Variants in ALG13 observed in about 807,000 individuals in gnomAD.
ALG13 encodes the protein ALG13 UDP-N-acetylglucosaminyltransferase subunit, also known as UDP-N-acetylglucosamine transferase subunit ALG13.
ALG13 carries 11 observed loss-of-function variants against 87.8 expected under a neutral mutation model. That is an observed-to-expected ratio of 0.13 (90% CI 0.08 to 0.21). The LOEUF (loss-of-function observed/expected upper bound fraction) is 0.21, where lower values mean the gene tolerates loss of function less well. Among genes scored for constraint, ALG13 ranks in the 10% least tolerant of loss-of-function variants. The pLI is 1.00. For missense variants in ALG13, 756 were observed against 866.1 expected, an observed-to-expected ratio of 0.87 and a Z score of 1.60; for synonymous variants, 320 against 306.3, an observed-to-expected ratio of 1.04 and a Z score of -0.47.
Position 111,751,621 on chromosome X carries a change from C to A in ALG13, c.2933-1169C>A, listed in dbSNP as rs758917014. Among the ~76,000 whole-genome samples, 6 of 111,476 alleles carry A rather than the reference C, an allele frequency of 5.4e-5. No homozygotes were observed. The East Asian group carries it at 1.4e-3, about 26-fold the overall frequency. ...ACATGTATCAAGTAGAATCCCATGC[C>A]ACTCATGAATTTATTTCCTACTATT... On this transcript the variant is annotated intron_variant, in intron 24 of 26. Transcript: ENST00000394780.
At chrX:111,754,481 T>C (rs938680418) in intron 25 of ALG13, among the ~76,000 whole-genome samples, 1 of 111,931 alleles carries the variant, frequency 8.9e-6, no homozygotes, top group African/African-American at 3.3e-5. Flanking sequence ...AGACAGGAAG[T>C]CACTTTGTCT....
chrX:111,727,802 G>A, intron 18 of ALG13, 32 bp downstream of exon 18: 1 of 1,137,898 alleles, frequency 8.8e-7, no homozygotes, highest in Non-Finnish European at 1.2e-6. Context: ...TCAAAAAGCT[G>A]TTTACTTTTT....
At chrX:111,743,013 A>G (rs1943898544) in intron 23 of ALG13, among the ~76,000 whole-genome samples, 1 of 111,966 alleles carries the variant, frequency 8.9e-6, no homozygotes, top group Non-Finnish European at 1.9e-5. Flanking sequence ...GCTTTTACTT[A>G]GAGGGTTTAT....
chrX:111,739,554 T>C (rs1943570019), intron 23 of ALG13, among the ~76,000 whole-genome samples: 1 of 112,486 alleles, frequency 8.9e-6, no homozygotes, highest in African/African-American at 3.2e-5. Context: ...ATAAGAGAAA[T>C]ACAATGATAA....
chrX:111,744,245 A>ACTTT (rs1195255879), intron 23 of ALG13, among the ~76,000 whole-genome samples: 1 of 111,798 alleles, frequency 8.9e-6, no homozygotes, highest in Non-Finnish European at 1.9e-5. Context: ...TAGTCTGTGC[A>ACTTT]CTTTAATCCA....
intron 25 of ALG13, 93 bp downstream of exon 25, chrX:111,752,923 CACTA>C (rs962415163): frequency 6.6e-6 from 4 of 605,866 alleles, no homozygotes; most frequent in Non-Finnish European, 1.0e-5. Context: ...AAGCCAAAAT[CACTA>C]AGGGGACTAA....
chrX:111,742,264 T>C (rs1432921750), intron 23 of ALG13, among the ~76,000 whole-genome samples: 1 of 111,050 alleles, frequency 9.0e-6, no homozygotes, highest in East Asian at 2.8e-4. Flanking sequence ...CCTTCCATCC[T>C]TAAGTGACTG....
chrX:111,727,977 T>C (rs965073229), intron 18 of ALG13, among the ~76,000 whole-genome samples: 9 of 111,669 alleles, frequency 8.1e-5, no homozygotes, highest in African/African-American at 2.6e-4. Flanking sequence ...GCCTATAGAG[T>C]ATGGGTTAAT....
At chrX:111,757,529 A>C (rs1490027403) in intron 25 of ALG13, 59 bp from the exon 26 acceptor site, 1 of 869,899 alleles carries the variant, frequency 1.1e-6, no homozygotes, top group African/African-American at 2.1e-5. Context: ...GAACTGTATT[A>C]CATTAAGAAT....
chrX:111,713,244 C>T lies in ALG13; in HGVS notation c.952C>T (p.Arg318Cys), dbSNP rs775191661. The stretch of plus-strand genomic sequence containing the variant: ...ATATAGTCGGGATTTCATTCTTTAT[C>T]GCTTTCCTGGAAAACCTCCAACTTA... The part of the protein sequence containing the change: ...LIYNRDFILY[R>C]FPGKPPTYVT... The change falls in exon 8 of 27, where the codon CGC becomes TGC. Residue 318 changes from arginine to cysteine, a missense_variant. By Grantham distance (180) the Arg-to-Cys change is radical. Coordinates refer to ENST00000394780, the MANE Select transcript of ALG13 (RefSeq NM_001099922.3). 10 of 1,194,754 alleles carry T rather than the reference C, an allele frequency of 8.4e-6. No individual in the cohort carries two copies. Among genetic ancestry groups the T allele is most frequent in the Admixed American group, 2.2e-5 (1 of 44,936 alleles).
chrX:111,717,480 TG>T (rs1199031566), intron 8 of ALG13, among the ~76,000 whole-genome samples: 1 of 110,617 alleles, frequency 9.0e-6, no homozygotes, highest in Non-Finnish European at 1.9e-5. Flanking sequence ...GGAAGTTAGC[TG>T]GGTCTTTTGG....
Position 111,730,258 on chromosome X carries a change from T to C in ALG13, c.2369-137T>C, listed in dbSNP as rs1942529392. The C allele has an allele frequency of 1.8e-5, 9 of 505,534 alleles. No individual in the cohort carries two copies. In the South Asian group the frequency reaches 2.5e-4, roughly 14 times the overall value. The allele number at this position is 505,534 out of a possible 1,213,427, so 41.7% of individuals were successfully genotyped here. ...TGACTAGTGTGAAAGCTCATATCACTTTTCAGGATGTATGCATTTTAGTTT... is the reference window on the plus strand; with the variant it reads ...TGACTAGTGTGAAAGCTCATATCACCTTTCAGGATGTATGCATTTTAGTTT... On this transcript the variant is annotated intron_variant, in intron 19 of 26. Transcript: ENST00000394780.
chrX:111,701,297 T>C (rs1367436439), intron 3 of ALG13, among the ~76,000 whole-genome samples: 1 of 112,112 alleles, frequency 8.9e-6, no homozygotes, highest in Non-Finnish European at 1.9e-5. Context: ...ACTGGTTCTT[T>C]AAATGTTTGG....
chrX:111,686,476 A>T (rs935097619), intron 3 of ALG13, among the ~76,000 whole-genome samples: 2 of 111,613 alleles, frequency 1.8e-5, no homozygotes, highest in Non-Finnish European at 3.8e-5. Flanking sequence ...AGTGAACAAA[A>T]CAAAGACTCC....
At chrX:111,757,107 A>G (rs1001078986) in intron 25 of ALG13, among the ~76,000 whole-genome samples, 5 of 112,028 alleles carry the variant, frequency 4.5e-5, no homozygotes, top group African/African-American at 1.3e-4. Context: ...ATCACTGTAT[A>G]CTTTATATAT....
intron 2 of ALG13, among the ~76,000 whole-genome samples, chrX:111,683,141 ATTAAC>A (rs1933931151): frequency 9.1e-6 from 1 of 109,922 alleles, no homozygotes; most frequent in Non-Finnish European, 1.9e-5. Flanking sequence ...CTTTGTGTAT[ATTAAC>A]TTTACTTTTT....
chrX:111,747,467 C>T (rs1284503368), intron 24 of ALG13, among the ~76,000 whole-genome samples: 2 of 111,998 alleles, frequency 1.8e-5, no homozygotes, highest in Admixed American at 9.5e-5. Context: ...TTGCCCTAAA[C>T]ATCCATATGC....
At position 111,757,583 on chromosome X, in the gene ALG13, T is replaced by C. The variant is rs776113182; in HGVS notation, c.2974-5T>C. The C allele has an allele frequency of 5.5e-5, 66 of 1,189,340 alleles. No individual in the cohort carries two copies. The highest frequency in any genetic ancestry group is 7.3e-5 in the Non-Finnish European group (65 of 885,902). On this transcript the variant is annotated splice_region_variant and splice_polypyrimidine_tract_variant and intron_variant, in intron 25 of 26. Transcript: ENST00000394780. ...TTATTTTTTTGTTGCCCTTTCTTGC[T>C]CAAGTGCTATTACCACAGCTACTGG...
chrX:111,681,260 C>T lies in ALG13; in HGVS notation c.42C>T (p.Asp14=). 6 of 1,212,330 alleles carry T rather than the reference C, an allele frequency of 4.9e-6. No homozygotes were observed. Among genetic ancestry groups the T allele is most frequent in the Non-Finnish European group, 6.7e-6 (6 of 895,562 alleles). The change falls in exon 1 of 27, where the codon GAC becomes GAT. Residue 14 remains aspartate (D), a synonymous_variant. Transcript: ENST00000394780. ...VFVTVGTTSF[D]DLIACVSAPD... is the part of the protein sequence containing the mutation. ...TTACCGTAGGGACCACCAGCTTTGA[C>T]GACCTCATTGCGTGTGTGTCGGCGC...
Sources: gnomAD v4.1 joint callset for allele counts (sites outside exome capture counted in the v4.1 genomes callset) on GRCh38, gnomAD v4.1.1 for gene constraint, MANE v1.5 for transcripts, NCBI Gene and HGNC (gene_info 2026-07-23, HGNC 2026-07-21) for gene names.